The following TSACC variants were observed in gnomAD, a reference collection of about 807,000 sequenced individuals.
TSACC encodes TSSK6 activating cochaperone.
TSACC carries 3 observed loss-of-function variants against 6.9 expected under a neutral mutation model. The ratio of observed to expected loss-of-function variants is 0.43; its 90% CI spans 0.20 to 1.12. The LOEUF (loss-of-function observed/expected upper bound fraction) is 1.12. Ranked by LOEUF, TSACC falls within the 50% of genes most tolerant of loss-of-function variation. TSACC has a pLI of 0.28. For missense variants in TSACC, 137 were observed against 143.9 expected (o/e 0.95, Z 0.24); for synonymous variants, 54 against 55.1 (o/e 0.98, Z 0.09).
At chr1:156,346,558 G>A (rs1232521596) in intron 3 of TSACC, among the ~76,000 whole-genome samples, 1 of 152,114 alleles carries the variant, frequency 6.6e-6, no homozygotes, top group African/African-American at 2.4e-5. Flanking sequence ...CAAGGGAGGG[G>A]GTAATAAGTT....
chr1:156,346,904 G>C lies in TSACC; in HGVS notation c.300G>C (p.Gly100=). 6.2e-7 allele frequency: 1 copy of C among 1,614,162 alleles called. No individual in the cohort carries two copies. The highest frequency in any genetic ancestry group is 8.5e-7 in the Non-Finnish European group (1 of 1,180,022). Residue 100 remains glycine (G), a synonymous_variant, in exon 4 of 4, where the codon GGG becomes GGC. Transcript: ENST00000368254. The part of the protein sequence containing the change: ...LQASVTQLAP[G]RGSNNSSLPA... ...CATCTGTGACACAACTGGCTCCTGG[G>C]AGGGGAAGCAATAACTCTTCTCTCC...
At chr1:156,342,203 T>C (rs2101708502) in intron 2 of TSACC, among the ~76,000 whole-genome samples, 1 of 152,332 alleles carries the variant, frequency 6.6e-6, no homozygotes, top group Non-Finnish European at 1.5e-5. Context: ...TCTTGAGACC[T>C]GAGTTTCAAC....
chr1:156,338,292 C>T (rs1241340299), upstream of TSACC: 2 of 1,050,832 alleles, frequency 1.9e-6, no homozygotes, highest in Non-Finnish European at 2.9e-6. Flanking sequence ...TCAGGGCTTA[C>T]ACCTCAACCC....
At chr1:156,346,193 C>CAAAAAA (rs60688957) in intron 3 of TSACC, among the ~76,000 whole-genome samples, 8 of 53,258 alleles carry the variant, frequency 1.5e-4, no homozygotes, top group Non-Finnish European at 2.1e-4. Flanking sequence ...ACTCCGTCTC[C>CAAAAAA]AAAAAAAAAA....
chr1:156,341,713 C>T lies in TSACC; in HGVS notation c.34+1922C>T, dbSNP rs372154279. Among the ~76,000 whole-genome samples the T allele has an allele frequency of 2.0e-5, 3 of 152,242 alleles. No homozygotes were observed. In the East Asian group the frequency reaches 5.8e-4, roughly 29 times the overall value. ...AATTAAAAAACAATTTTTAATTTCT[C>T]ATGCCACCTTGTGTAAAAATGTGTA... is the stretch of plus-strand genomic sequence containing the variant. On this transcript the variant is annotated intron_variant, in intron 2 of 3. Transcript: ENST00000368254.
chr1:156,338,249 G>GAA (rs1665547870), upstream of TSACC: 1 of 1,316,820 alleles, frequency 7.6e-7, no homozygotes, highest in East Asian at 2.4e-5. Context: ...TGGAGAGAGA[G>GAA]AACCAGACAG....
chr1:156,341,659 AGAGT>A (rs1187906152), intron 2 of TSACC, among the ~76,000 whole-genome samples: 1 of 152,208 alleles, frequency 6.6e-6, no homozygotes, highest in Non-Finnish European at 1.5e-5. Context: ...CCTTTAGTAT[AGAGT>A]GTGTGTAAAG....
rs770883316 is a variant in TSACC, at chr1:156,339,808, C to T, written c.34+17C>T. On this transcript the variant is annotated intron_variant, in intron 2 of 3. Transcript: ENST00000368254. The stretch of plus-strand genomic sequence containing the variant: ...ACAGAAAAGGTGTGTGTTGGAGGCC[C>T]TGCTTCCCCTCCCTTAAAAAGCAAG... 15 of 1,613,320 alleles carry T rather than the reference C, an allele frequency of 9.3e-6. No individual in the cohort carries two copies. The highest frequency in any genetic ancestry group is 1.1e-5 in the Non-Finnish European group (13 of 1,179,798).
intron 1 of TSACC, 21 bp from the exon 2 acceptor site, chr1:156,339,613 T>C: frequency 1.1e-6 from 1 of 942,462 alleles, no homozygotes; most frequent in East Asian, 2.7e-5. Context: ...GAAATAGAGT[T>C]TCCTACTTTT....
In TSACC at chr1:156,339,658, G is replaced by T; in HGVS notation, c.-100G>T. ...GATTGGAACAGGCTGAGATCTGCTG[G>T]AGACAACTTAGGAAATTATCATAGT... On this transcript the variant is annotated 5_prime_UTR_variant, in exon 2 of 4. Coordinates refer to ENST00000368254, the MANE Select transcript of TSACC (RefSeq NM_001304817.2). The T allele has an allele frequency of 6.7e-7, 1 of 1,494,268 alleles. No individual in the cohort carries two copies. The highest frequency in any genetic ancestry group is 9.2e-7 in the Non-Finnish European group (1 of 1,081,484). 92.6% of individuals were successfully genotyped at this position (1,494,268 alleles called of 1,614,324 possible). A position where few individuals can be genotyped will look rare whatever the true frequency, so the allele number is the denominator to read the frequency against.
upstream of TSACC, chr1:156,338,476 C>T (rs1221417380): frequency 5.7e-6 from 3 of 529,190 alleles, no homozygotes; most frequent in East Asian, 9.4e-5. Context: ...AGGGTGGCCG[C>T]TCCCGGCCGC....
rs1665582423 is a variant in TSACC at position 156,338,567 on chromosome 1, G to C, written c.-163G>C. ...ACTACGCATGTGTGTCAACTCTAGG[G>C]TTGGGTGCTGGGGTTGCGGCTTTCG... On this transcript the variant is annotated 5_prime_UTR_variant, in exon 1 of 4. Transcript: ENST00000368254. 2.9e-6 allele frequency: 1 copy of C among 339,222 alleles called. No individual in the cohort carries two copies. The allele number at this position is 339,222 out of a possible 1,614,324, so 21.0% of individuals were successfully genotyped here.
chr1:156,341,239 T>TA lies in TSACC; in HGVS notation c.34+1455dup, dbSNP rs534900524. On this transcript the variant is annotated intron_variant, in intron 2 of 3. Coordinates refer to ENST00000368254, the MANE Select transcript of TSACC (RefSeq NM_001304817.2). ...CTAAGGGTATAAAGCTAGGCCTAAC[T>TA]AAAAAAACATTATTCATGCAGCCAC... Among the ~76,000 whole-genome samples, 4 of 152,280 alleles carry TA rather than the reference T, an allele frequency of 2.6e-5. No homozygotes were observed. In the South Asian group the frequency reaches 8.3e-4, roughly 32 times the overall value.
At position 156,344,477 on chromosome 1, in the gene TSACC, C is replaced by T. The variant is rs572418710; in HGVS notation, c.35-103C>T. The T allele has an allele frequency of 2.1e-5, 30 of 1,448,558 alleles. No homozygotes were observed. The African/African-American group carries it at 3.0e-4, about 14-fold the overall frequency. The allele number at this position is 1,448,558 out of a possible 1,614,324, so 89.7% of individuals were successfully genotyped here. On this transcript the variant is annotated intron_variant, in intron 2 of 3. Coordinates refer to ENST00000368254, the MANE Select transcript of TSACC (RefSeq NM_001304817.2). ...ATCTTTCTGATATGTAACATATTCA[C>T]GGCAGGGCCTGGGCACCTGCTTTCA... is the stretch of plus-strand genomic sequence containing the variant.
intron 2 of TSACC, among the ~76,000 whole-genome samples, chr1:156,342,082 AG>A (rs1665926368): frequency 6.6e-6 from 1 of 151,322 alleles, no homozygotes; most frequent in South Asian, 2.1e-4. Flanking sequence ...AAAAAAAGAA[AG>A]AAAAAAAAAT....
chr1:156,342,367 A>G (rs1348125802), intron 2 of TSACC, among the ~76,000 whole-genome samples: 2 of 152,186 alleles, frequency 1.3e-5, no homozygotes. Context: ...CCAAAAAAAC[A>G]TATTTCCCTC....
In TSACC at chr1:156,340,752, C is replaced by T. The variant is rs886310871; in HGVS notation, c.34+961C>T. ...CTGGGATTACAGGTGTGAGCCACCGCGCCCAGCCCCAGCTTGGGCATAAAT... is the reference window on the plus strand; with the variant it reads ...CTGGGATTACAGGTGTGAGCCACCGTGCCCAGCCCCAGCTTGGGCATAAAT... On this transcript the variant is annotated intron_variant, in intron 2 of 3. Coordinates refer to ENST00000368254, the MANE Select transcript of TSACC (RefSeq NM_001304817.2). 2.6e-4 allele frequency among the ~76,000 whole-genome samples: 40 copies of T among 152,322 alleles called. 1 individual carries two copies. Among genetic ancestry groups the T allele is most frequent in the Admixed American group, 2.4e-3 (37 of 15,306 alleles).
intron 3 of TSACC, among the ~76,000 whole-genome samples, chr1:156,345,287 G>T (rs1398618126): frequency 2.0e-5 from 3 of 152,238 alleles, no homozygotes; most frequent in Admixed American, 1.3e-4. Flanking sequence ...AAGTGGCTGG[G>T]CACGGTAGCT....
chr1:156,343,446 A>G (rs2101711667), intron 2 of TSACC, among the ~76,000 whole-genome samples: 1 of 152,124 alleles, frequency 6.6e-6, no homozygotes, highest in Admixed American at 6.5e-5. Context: ...TTGCTTTTCC[A>G]CTTCTCATGA....
Sources: allele counts gnomAD v4.1 joint callset (sites outside exome capture counted in the v4.1 genomes callset), GRCh38; gene constraint gnomAD v4.1.1; transcripts MANE v1.5; gene names NCBI Gene and HGNC (gene_info 2026-07-23, HGNC 2026-07-21).